The following SNX8 variants were observed in gnomAD, a reference collection of about 807,000 sequenced individuals.
The protein encoded by SNX8 is sorting nexin-8.
In SNX8, 25 loss-of-function variants were observed where a neutral mutation model predicts 51.6. The ratio of observed to expected loss-of-function variants is 0.48; its 90% CI spans 0.35 to 0.68. The LOEUF (loss-of-function observed/expected upper bound fraction) is 0.68. SNX8 is among the 30% of genes least tolerant of loss of function. The probability of loss-of-function intolerance (pLI) is 0.00; values close to 1 mark genes in which losing one functional copy is unlikely to be tolerated. For synonymous variants in SNX8, 324 were observed against 277.0 expected, an observed-to-expected ratio of 1.17 and a Z score of -1.68; for missense variants, 695 against 624.0, an observed-to-expected ratio of 1.11 and a Z score of -1.21.
chr7:2,329,952 C>T (rs937154221), intron 1 of SNX8, among the ~76,000 whole-genome samples: 1 of 101,242 alleles, frequency 9.9e-6, no homozygotes, highest in African/African-American at 3.8e-5. Context: ...CCACCCACCC[C>T]CCGCCCCATG....
intron 1 of SNX8, among the ~76,000 whole-genome samples, chr7:2,338,855 G>A (rs1047759785): frequency 6.6e-6 from 1 of 152,102 alleles, no homozygotes; most frequent in Admixed American, 6.6e-5. Flanking sequence ...TTGAGTCTGG[G>A]AGTTTAAGAT....
chr7:2,317,091 C>T (rs929727953), upstream of SNX8, among the ~76,000 whole-genome samples: 2 of 151,682 alleles, frequency 1.3e-5, no homozygotes, highest in African/African-American at 4.8e-5. Flanking sequence ...AGAGTTAGGG[C>T]TGGAGGAATA....
rs1236506340 is a variant in SNX8, at chr7:2,345,680, C to CAA, written c.-66+8540_-66+8541dup. Among the ~76,000 whole-genome samples the CAA allele has an allele frequency of 4.9e-4, 69 of 140,102 alleles. 1 individual carries two copies. The highest frequency in any genetic ancestry group is 6.7e-4 in the Non-Finnish European group (44 of 65,388). 91.9% of individuals were successfully genotyped at this position (140,102 alleles called of 152,430 possible). On this transcript the variant is annotated intron_variant, in intron 1 of 5. Transcript: ENST00000435336. ...GGGCGAGACAGAGTGAGAATCCGTC[C>CAA]AAAAAAAAAAAAGAAGAAGAAATGT...
At chr7:2,261,524 G>A (rs1009422038) in intron 7 of SNX8, among the ~76,000 whole-genome samples, 1 of 152,252 alleles carries the variant, frequency 6.6e-6, no homozygotes, top group Non-Finnish European at 1.5e-5. Context: ...CTGGAGACCA[G>A]AATAGCTTGA....
chr7:2,293,089 T>C (rs971293423), intron 1 of SNX8, among the ~76,000 whole-genome samples: 2 of 150,968 alleles, frequency 1.3e-5, no homozygotes, highest in African/African-American at 2.4e-5. Context: ...ACTGCTGTGC[T>C]GCAAATGACA....
At chr7:2,256,763 C>G in intron 10 of SNX8, 111 bp downstream of exon 10, 2 of 1,122,000 alleles carry the variant, frequency 1.8e-6, no homozygotes, top group Non-Finnish European at 2.5e-6. Context: ...CCCAACTCCA[C>G]TAAAGAACCT....
intron 1 of SNX8, among the ~76,000 whole-genome samples, chr7:2,280,934 A>C (rs1795892906): frequency 6.6e-6 from 1 of 151,992 alleles, no homozygotes; most frequent in South Asian, 2.1e-4. Flanking sequence ...GTGGGATGAC[A>C]GGCGTGCACC....
chr7:2,263,861 C>T (rs911659826), intron 6 of SNX8, among the ~76,000 whole-genome samples: 1 of 152,138 alleles, frequency 6.6e-6, no homozygotes, highest in Non-Finnish European at 1.5e-5. Flanking sequence ...GACAGGCACC[C>T]GCCACCACGC....
intron 5 of SNX8, among the ~76,000 whole-genome samples, chr7:2,265,872 G>C (rs938973632): frequency 2.0e-5 from 3 of 152,100 alleles, no homozygotes; most frequent in African/African-American, 7.2e-5. Flanking sequence ...AGTACTTTGG[G>C]GGGCCATGCC....
chr7:2,302,570 G>A (rs1046586439), intron 1 of SNX8, among the ~76,000 whole-genome samples: 11 of 150,538 alleles, frequency 7.3e-5, no homozygotes, highest in Non-Finnish European at 1.6e-4. Context: ...CCCATCGTCT[G>A]GGATGTGAGG....
Position 2,256,936 on chromosome 7 carries a change from G to A in SNX8, c.1222C>T (p.Leu408=), listed in dbSNP as rs758433327. The A allele has an allele frequency of 3.2e-5, 52 of 1,613,670 alleles. 1 individual carries two copies. The highest frequency in any genetic ancestry group is 1.7e-5 in the Non-Finnish European group (20 of 1,179,902). The change falls in exon 10 of 11, where the codon CTG becomes TTG. Residue 408 remains leucine, a synonymous_variant. Coordinates refer to ENST00000222990, the MANE Select transcript of SNX8 (RefSeq NM_013321.4). ...CGGAGGATGTGGGAGGTGAGGGGCA[G>A]GTAGACGTGGATGAGCTGCGTCTCC... ...HQETQLIHVY[L]PLTSHILRAF...
intron 1 of SNX8, among the ~76,000 whole-genome samples, chr7:2,309,297 G>T (rs2115204245): frequency 1.3e-5 from 2 of 152,270 alleles, no homozygotes; most frequent in Admixed American, 1.3e-4. Flanking sequence ...CAAAGCAAGT[G>T]GATCACATGA....
At chr7:2,310,125 T>C (rs1197500846) in intron 1 of SNX8, among the ~76,000 whole-genome samples, 3 of 152,106 alleles carry the variant, frequency 2.0e-5, no homozygotes, top group Non-Finnish European at 4.4e-5. Flanking sequence ...TGGTCATCTG[T>C]ACATATTTCT....
intron 1 of SNX8, among the ~76,000 whole-genome samples, chr7:2,348,961 A>G (rs1366896619): frequency 2.0e-5 from 3 of 150,580 alleles, no homozygotes; most frequent in Non-Finnish European, 4.4e-5. Context: ...AAAAAAAAAA[A>G]AAAAAAAAAA....
chr7:2,302,911 G>A (rs1385901723), intron 1 of SNX8, among the ~76,000 whole-genome samples: 1 of 146,472 alleles, frequency 6.8e-6, no homozygotes, highest in African/African-American at 2.6e-5. Flanking sequence ...CCCGGCAGCC[G>A]CCCTGTCTGA....
intron 1 of SNX8, among the ~76,000 whole-genome samples, chr7:2,329,443 T>C (rs1778689354): frequency 1.3e-5 from 2 of 152,178 alleles, no homozygotes; most frequent in Admixed American, 6.6e-5. Context: ...ATGAACTACG[T>C]TGTTTTTCGT....
intron 1 of SNX8, among the ~76,000 whole-genome samples, chr7:2,280,792 CTTTT>C (rs11464982): frequency 3.6e-5 from 5 of 138,804 alleles, no homozygotes; most frequent in Admixed American, 1.5e-4. Flanking sequence ...CTAGAATGCC[CTTTT>C]TTTTTTTTTT....
chr7:2,290,171 G>A (rs760915778), intron 1 of SNX8, among the ~76,000 whole-genome samples: 3 of 151,930 alleles, frequency 2.0e-5, no homozygotes, highest in Non-Finnish European at 2.9e-5. Context: ...CCAGCCTGGC[G>A]ACAAGGGCAA....
chr7:2,295,835 AG>A (rs1796263095), intron 1 of SNX8, among the ~76,000 whole-genome samples: 1 of 152,138 alleles, frequency 6.6e-6, no homozygotes, highest in Admixed American at 6.6e-5. Context: ...CTTATTAACC[AG>A]GGCGTCCTTT....
Sources: allele counts gnomAD v4.1 joint callset (sites outside exome capture counted in the v4.1 genomes callset), GRCh38; gene constraint gnomAD v4.1.1; transcripts MANE v1.5; gene names NCBI Gene and HGNC (gene_info 2026-07-23, HGNC 2026-07-21).